Variants in GREB1 observed in about 807,000 individuals in gnomAD.
GREB1 encodes the protein growth regulating estrogen receptor binding 1.
A neutral mutation model predicts 200.7 loss-of-function variants in GREB1; 106 were observed. That is an observed-to-expected ratio of 0.53 (90% CI 0.45 to 0.62). The LOEUF (loss-of-function observed/expected upper bound fraction) is 0.62, where lower values mean the gene tolerates loss of function less well. Among genes scored for constraint, GREB1 ranks in the 20% least tolerant of loss-of-function variants. The pLI is 0.00. For missense variants in GREB1, 2,243 were observed against 2,556.8 expected (o/e 0.88, Z 2.65); for synonymous variants, 1,132 against 1,092.4 (o/e 1.04, Z -0.72).
chr2:11,558,376 G>C (rs1330040061), intron 2 of GREB1, among the ~76,000 whole-genome samples: 1 of 152,174 alleles, frequency 6.6e-6, no homozygotes, highest in Non-Finnish European at 1.5e-5. Flanking sequence ...ACAGCTCAGG[G>C]TGCCCTTATC....
chr2:11,536,393 T>C (rs942885291), intron 1 of GREB1, among the ~76,000 whole-genome samples: 2 of 152,228 alleles, frequency 1.3e-5, no homozygotes, highest in Non-Finnish European at 2.9e-5. Context: ...AAACATTTTG[T>C]AAAAGCCAAG....
rs1572697778 is a variant in GREB1 at position 11,559,094 on chromosome 2, C to T, written c.157+2323C>T. Among the ~76,000 whole-genome samples the T allele has an allele frequency of 2.6e-5, 4 of 152,292 alleles. No individual in the cohort carries two copies. The South Asian group carries it at 6.2e-4, about 24-fold the overall frequency. Reference sequence around the variant, plus strand: ...ACCCACTTAGAATGCCATAGAGTTTCTGCTCATGGAAAGAAAACACAATTG... The same window carrying T: ...ACCCACTTAGAATGCCATAGAGTTTTTGCTCATGGAAAGAAAACACAATTG... On this transcript the variant is annotated intron_variant, in intron 2 of 32. Transcript: ENST00000381486.
intron 9 of GREB1, 82 bp downstream of exon 9, chr2:11,585,987 C>G: frequency 7.1e-7 from 1 of 1,400,848 alleles, no homozygotes; most frequent in South Asian, 1.2e-5. Context: ...GAGACCTCAT[C>G]CCGGTCTGAC....
chr2:11,486,886 A>G (rs1188207936), intron 1 of GREB1, among the ~76,000 whole-genome samples: 1 of 151,974 alleles, frequency 6.6e-6, no homozygotes, highest in Non-Finnish European at 1.5e-5. Context: ...TAAACAAACA[A>G]AAAAACAACC....
At chr2:11,529,318 G>A (rs1223963646), upstream of GREB1, among the ~76,000 whole-genome samples, 1 of 152,198 alleles carries the variant, frequency 6.6e-6, no homozygotes, top group Admixed American at 6.5e-5. Context: ...GGAAAGAAAC[G>A]AGAAACAGAT....
chr2:11,591,423 A>G, intron 10 of GREB1: 1 of 728,074 alleles, frequency 1.4e-6, no homozygotes, highest in South Asian at 1.5e-5. Flanking sequence ...CCGGACGTAT[A>G]AACCAGACAA....
At chr2:11,508,882 TTTTTTTTTTC>T (rs926132734) in intron 1 of GREB1, among the ~76,000 whole-genome samples, 13 of 147,414 alleles carry the variant, frequency 8.8e-5, no homozygotes, top group Non-Finnish European at 1.7e-4. Flanking sequence ...TCTTTTTTTT[TTTTTTTTTTC>T]GGGACAGAGT....
chr2:11,583,257 G>A (rs1369060474), intron 7 of GREB1, among the ~76,000 whole-genome samples: 5 of 152,110 alleles, frequency 3.3e-5, no homozygotes, highest in East Asian at 3.9e-4. Context: ...CCCTTTGGTC[G>A]TTCAGTAGAG....
intron 13 of GREB1, 120 bp downstream of exon 13, chr2:11,596,359 G>A: frequency 1.3e-6 from 1 of 771,162 alleles, no homozygotes; most frequent in Non-Finnish European, 2.1e-6. Flanking sequence ...GCACAGTGAG[G>A]GGGCAGGGGC....
At chr2:11,582,780 G>T (rs895964882) in intron 7 of GREB1, among the ~76,000 whole-genome samples, 1 of 152,254 alleles carries the variant, frequency 6.6e-6, no homozygotes, top group African/African-American at 2.4e-5. Context: ...CTTCTCCTCT[G>T]CTCTGGGGAG....
At chr2:11,623,660 G>A (rs930691225) in intron 23 of GREB1, among the ~76,000 whole-genome samples, 1 of 152,246 alleles carries the variant, frequency 6.6e-6, no homozygotes, top group Non-Finnish European at 1.5e-5. Context: ...TGGGGCCGAG[G>A]TGGGTGGATC....
At chr2:11,540,536 T>C (rs1272207383) in intron 1 of GREB1, 2 of 154,250 alleles carry the variant, frequency 1.3e-5, no homozygotes, top group African/African-American at 2.4e-5. Context: ...CTTAAAGATA[T>C]TCTCCAAAGA....
intron 2 of GREB1, among the ~76,000 whole-genome samples, chr2:11,558,825 G>T (rs1267752001): frequency 6.6e-6 from 1 of 152,130 alleles, no homozygotes; most frequent in Admixed American, 6.5e-5. Context: ...TGACCAGGGT[G>T]CTGGTATACT....
chr2:11,484,415 TTC>T (rs1012349102), intron 1 of GREB1, among the ~76,000 whole-genome samples: 4 of 152,092 alleles, frequency 2.6e-5, no homozygotes, highest in African/African-American at 9.7e-5. Flanking sequence ...TCATGAGGCG[TTC>T]TGCTGTTCTT....
Position 11,597,913 on chromosome 2 carries a change from T to G in GREB1, c.2087T>G (p.Phe696Cys). 1 of 1,614,188 alleles carries G rather than the reference T, an allele frequency of 6.2e-7. No homozygotes were observed. The highest frequency in any genetic ancestry group is 1.7e-5 in the Admixed American group (1 of 60,026). The change falls in exon 14 of 33, where the codon TTT (phenylalanine) becomes TGT (cysteine). Residue 696 changes from phenylalanine (F) to cysteine (C), a missense_variant. Coordinates refer to ENST00000381486, the MANE Select transcript of GREB1 (RefSeq NM_014668.4). This position sits in a 1 kb window ranked among gnomAD's most constrained non-coding sequence, Gnocchi z 4.1. ...CTGGGATCCTTTGAGAAGGTGGACT[T>G]TCTCATTTGCATTCCCCCCTCAGAA... Reference protein sequence around the residue: ...LDLGSFEKVDFLICIPPSEVT... With the variant: ...LDLGSFEKVDCLICIPPSEVT...
At position 11,538,712 on chromosome 2, in the gene GREB1, T is replaced by TTC. The variant is rs1674444505; in HGVS notation, c.-162+4458_-162+4459insTC. On this transcript the variant is annotated intron_variant, in intron 1 of 32. Coordinates refer to ENST00000381486, the MANE Select transcript of GREB1 (RefSeq NM_014668.4). ...TTCCTTCCTCCCTCCCTCCCTCCCT[T>TTC]CCTCCCTCCCCCTCTCTCTCACTTT... Among the ~76,000 whole-genome samples, 2 of 109,766 alleles carry TTC rather than the reference T, an allele frequency of 1.8e-5. 1 individual carries two copies. The highest frequency in any genetic ancestry group is 7.1e-5 in the African/African-American group (2 of 28,174). The allele number at this position is 109,766 out of a possible 152,430, so 72.0% of individuals were successfully genotyped here.
chr2:11,588,413 T>C, intron 9 of GREB1: 2 of 522,960 alleles, frequency 3.8e-6, no homozygotes, highest in South Asian at 4.1e-5. Flanking sequence ...GGTGTCCCAT[T>C]GGTGGTGCTG....
chr2:11,625,054 C>A, intron 23 of GREB1, 100 bp from the exon 24 acceptor site: 1 of 942,628 alleles, frequency 1.1e-6, no homozygotes, highest in Non-Finnish European at 1.7e-6. Context: ...CGCCTGATGT[C>A]GCATTTCTCA....
chr2:11,598,542 C>T (rs1474106611), intron 14 of GREB1, 138 bp from the exon 15 acceptor site: 4 of 778,706 alleles, frequency 5.1e-6, no homozygotes, highest in Non-Finnish European at 6.4e-6. Context: ...GGAGTTTTTT[C>T]CCTTCCTTTC....
Sources: allele counts gnomAD v4.1 joint callset (sites outside exome capture counted in the v4.1 genomes callset), GRCh38; gene constraint gnomAD v4.1.1; non-coding constraint Gnocchi (gnomAD v3.1); transcripts MANE v1.5; gene names NCBI Gene and HGNC (gene_info 2026-07-23, HGNC 2026-07-21).